Variants in ROBO1 observed in about 807,000 individuals in gnomAD.
ROBO1 encodes roundabout guidance receptor 1.
Under a neutral mutation model 195.9 loss-of-function variants are expected in ROBO1, and 149 were observed. That is an observed-to-expected ratio of 0.76 (90% CI 0.67 to 0.87). ROBO1 has a LOEUF of 0.87. Among genes scored for constraint, ROBO1 ranks in the 40% least tolerant of loss-of-function variants. The pLI is 0.00. For synonymous variants in ROBO1, 816 were observed against 733.2 expected (o/e 1.11, Z -1.82); for missense variants, 1,933 against 2,068.3 (o/e 0.93, Z 1.27).
In ROBO1 at chr3:79,156,472, G is replaced by A. The variant is rs113713003; in HGVS notation, c.89-30933C>T. ...CAATAAATGATTATTGATTAAAATA[G>A]CATTCTATTTGAAATATATAGTTAC... On this transcript the variant is annotated intron_variant, in intron 2 of 30. Transcript: ENST00000464233. Among the ~76,000 whole-genome samples the A allele has an allele frequency of 2.2e-3, 340 of 151,790 alleles. 2 individuals are homozygous for A. The highest frequency in any genetic ancestry group is 7.7e-3 in the African/African-American group (321 of 41,448).
intron 1 of ROBO1, among the ~76,000 whole-genome samples, chr3:79,711,097 G>C (rs1702257641): frequency 6.6e-6 from 1 of 152,068 alleles, no homozygotes; most frequent in Non-Finnish European, 1.5e-5. Flanking sequence ...GAATAGGATT[G>C]TTTTATTTAC....
intron 8 of ROBO1, among the ~76,000 whole-genome samples, chr3:78,695,214 C>T (rs1280509204): frequency 6.6e-6 from 1 of 151,984 alleles, no homozygotes; most frequent in Non-Finnish European, 1.5e-5. Flanking sequence ...CACATGTATA[C>T]ATATGTAACA....
Position 78,606,990 on chromosome 3 carries a change from T to G in ROBO1, c.4487A>C (p.Gln1496Pro). ...PPPAIKSPTA[Q>P]SKTQLEVRPV... is the part of the protein sequence containing the mutation. ...TCGTACTTCCAGCTGTGTCTTGGAT[T>G]GGGCAGTAGGTGACTTTATAGCAGG... Residue 1496 changes from glutamine to proline, a missense_variant, in exon 29 of 31, where the codon CAA (glutamine) becomes CCA (proline). This residue lies in a region of ROBO1 where 1,737 missense variants were observed against 1,882.5 expected (regional missense o/e 0.92). Transcript: ENST00000464233. 1 of 1,613,822 alleles carries G rather than the reference T, an allele frequency of 6.2e-7. No homozygotes were observed. The highest frequency in any genetic ancestry group is 8.5e-7 in the Non-Finnish European group (1 of 1,179,866).
chr3:79,736,921 T>C (rs796540736), intron 1 of ROBO1, among the ~76,000 whole-genome samples: 9 of 152,350 alleles, frequency 5.9e-5, no homozygotes, highest in African/African-American at 2.2e-4. Flanking sequence ...AAATTCAGTG[T>C]AATTTAACTG....
In ROBO1 at chr3:78,774,606, T is replaced by TA. The variant is rs35336201; in HGVS notation, c.500-27707dup. Among the ~76,000 whole-genome samples, 118 of 53,828 alleles carry TA rather than the reference T, an allele frequency of 2.2e-3. 1 individual carries two copies. The highest frequency in any genetic ancestry group is 5.5e-3 in the South Asian group (7 of 1,274). 35.3% of individuals were successfully genotyped at this position (53,828 alleles called of 152,430 possible). On this transcript the variant is annotated intron_variant, in intron 4 of 30. Transcript: ENST00000464233. ...ATTACAGGTGCTAAAATGTTTTTAA[T>TA]AAAAAAAAAAAAATCTACCACTTGA...
chr3:78,763,295 T>C (rs2083151256), intron 4 of ROBO1, among the ~76,000 whole-genome samples: 1 of 152,158 alleles, frequency 6.6e-6, no homozygotes, highest in Non-Finnish European at 1.5e-5. Context: ...GGTATCCTAA[T>C]GGCTAGAAAA....
At chr3:79,766,124 T>A (rs912274727) in intron 1 of ROBO1, among the ~76,000 whole-genome samples, 3 of 151,798 alleles carry the variant, frequency 2.0e-5, no homozygotes, top group Admixed American at 6.6e-5. Flanking sequence ...CTCCAGTGAG[T>A]TCCTGCGTCT....
intron 2 of ROBO1, among the ~76,000 whole-genome samples, chr3:79,305,315 C>T (rs550880349): frequency 3.8e-4 from 58 of 151,906 alleles, no homozygotes; most frequent in African/African-American, 1.3e-3. Context: ...GGTGAAAACC[C>T]GTCTTTACTA....
chr3:78,723,342 T>C (rs772947244), intron 5 of ROBO1, among the ~76,000 whole-genome samples: 7 of 152,168 alleles, frequency 4.6e-5, no homozygotes, highest in Non-Finnish European at 7.4e-5. Context: ...GGCTGTACCA[T>C]GTAGGTTTGT....
At chr3:78,719,344 T>C (rs2081985679) in intron 5 of ROBO1, among the ~76,000 whole-genome samples, 1 of 152,150 alleles carries the variant, frequency 6.6e-6, no homozygotes, top group South Asian at 2.1e-4. Context: ...TTGTTTTATT[T>C]TTTCATACAT....
At chr3:79,305,217 T>C (rs2033160573) in intron 2 of ROBO1, among the ~76,000 whole-genome samples, 1 of 152,118 alleles carries the variant, frequency 6.6e-6, no homozygotes, top group African/African-American at 2.4e-5. Context: ...GCTGGAGTGG[T>C]AGCTCACGCC....
rs2079537195 is a variant in ROBO1, at chr3:79,094,786, A to T, written c.172+30670T>A. On this transcript the variant is annotated intron_variant, in intron 3 of 30. Transcript: ENST00000464233. Reference sequence around the variant, plus strand: ...GATTCTAGACTTGGGAAATATGATGACATGAGCATTGCTGAGGGATCCCCA... The same window carrying T: ...GATTCTAGACTTGGGAAATATGATGTCATGAGCATTGCTGAGGGATCCCCA... Among the ~76,000 whole-genome samples the T allele has an allele frequency of 3.9e-5, 6 of 152,120 alleles. 1 individual carries two copies. The South Asian group carries it at 1.2e-3, about 32-fold the overall frequency.
chr3:78,974,818 A>G (rs1260101840), intron 3 of ROBO1, among the ~76,000 whole-genome samples: 1 of 152,208 alleles, frequency 6.6e-6, no homozygotes, highest in Non-Finnish European at 1.5e-5. Flanking sequence ...TTGAGAATGG[A>G]TAAATGAAGA....
At chr3:79,721,494 CG>C (rs1702702517) in intron 1 of ROBO1, among the ~76,000 whole-genome samples, 1 of 152,080 alleles carries the variant, frequency 6.6e-6, no homozygotes, top group Non-Finnish European at 1.5e-5. Context: ...ACTTTCTGGA[CG>C]GACACATTAT....
intron 2 of ROBO1, among the ~76,000 whole-genome samples, chr3:79,411,734 T>A (rs1369276821): frequency 6.6e-6 from 1 of 152,336 alleles, no homozygotes; most frequent in African/African-American, 2.4e-5. Context: ...TGCAGATGTG[T>A]GGAGCTTACG....
At chr3:78,775,307 A>T (rs912058960) in intron 4 of ROBO1, among the ~76,000 whole-genome samples, 2 of 152,244 alleles carry the variant, frequency 1.3e-5, no homozygotes, top group East Asian at 3.9e-4. Flanking sequence ...GCAAGGCTGA[A>T]GGTACAGACG....
intron 2 of ROBO1, among the ~76,000 whole-genome samples, chr3:79,196,226 A>C (rs1285235023): frequency 6.6e-6 from 1 of 151,368 alleles, no homozygotes; most frequent in Non-Finnish European, 1.5e-5. Flanking sequence ...TTCTCAGAAA[A>C]GATGGCATCT....
chr3:79,117,327 A>G lies in ROBO1; in HGVS notation c.172+8129T>C, dbSNP rs146727525. Among the ~76,000 whole-genome samples, 611 of 151,928 alleles carry G rather than the reference A, an allele frequency of 4.0e-3. 7 individuals carry two copies. The highest frequency in any genetic ancestry group is 0.014 in the African/African-American group (574 of 41,480). Reference sequence around the variant, plus strand: ...GGAGGTTGCAGTGAGTCAAGATCGCACCACTGCACTCCAGCCTGGGCGACA... The same window carrying G: ...GGAGGTTGCAGTGAGTCAAGATCGCGCCACTGCACTCCAGCCTGGGCGACA... On this transcript the variant is annotated intron_variant, in intron 3 of 30. Transcript: ENST00000464233.
At chr3:78,747,632 G>C (rs988515515) in intron 4 of ROBO1, among the ~76,000 whole-genome samples, 13 of 152,054 alleles carry the variant, frequency 8.5e-5, no homozygotes, top group African/African-American at 2.9e-4. Context: ...TTCAGAATGA[G>C]AGATATTATT....
Sources: allele counts gnomAD v4.1 joint callset (sites outside exome capture counted in the v4.1 genomes callset), GRCh38; gene constraint gnomAD v4.1.1; regional missense constraint gnomAD v4.1.1; transcripts MANE v1.5; gene names NCBI Gene and HGNC (gene_info 2026-07-23, HGNC 2026-07-21).